XCR1: variants seen among roughly 807,000 people sequenced by gnomAD.
The protein encoded by XCR1 is X-C motif chemokine receptor 1.
For missense variants in XCR1, 356 were observed against 424.2 expected, an observed-to-expected ratio of 0.84 and a Z score of 1.41; for synonymous variants, 187 against 188.5, an observed-to-expected ratio of 0.99 and a Z score of 0.06.
intron 4 of XCR1, among the ~76,000 whole-genome samples, chr3:46,060,018 T>C (rs905922904): frequency 6.6e-6 from 1 of 152,234 alleles, no homozygotes; most frequent in African/African-American, 2.4e-5. Context: ...ATACATCTTA[T>C]GTTAGATGAT....
chr3:46,068,124 G>T (rs1384401989), intron 3 of XCR1, among the ~76,000 whole-genome samples: 1 of 152,210 alleles, frequency 6.6e-6, no homozygotes, highest in Non-Finnish European at 1.5e-5. Context: ...CTGTTAGGAA[G>T]GTAGTTCTAG....
At chr3:46,055,453 C>T (rs938015648) in intron 4 of XCR1, among the ~76,000 whole-genome samples, 3 of 152,264 alleles carry the variant, frequency 2.0e-5, no homozygotes, top group Non-Finnish European at 4.4e-5. Context: ...AATGAAAATA[C>T]AGTTTCTTCA....
chr3:46,044,074 C>G (rs1456792126), intron 5 of XCR1, among the ~76,000 whole-genome samples: 3 of 152,144 alleles, frequency 2.0e-5, no homozygotes, highest in African/African-American at 2.4e-5. Flanking sequence ...CAGCTCACTG[C>G]AAACTCCACC....
At chr3:46,038,479 C>T (rs1302436694) in intron 5 of XCR1, among the ~76,000 whole-genome samples, 3 of 152,058 alleles carry the variant, frequency 2.0e-5, no homozygotes, top group Admixed American at 6.6e-5. Context: ...CTCTATAAAA[C>T]TATTGATGTT....
At chr3:46,078,447 G>A (rs992531482) in intron 1 of XCR1, among the ~76,000 whole-genome samples, 2 of 152,140 alleles carry the variant, frequency 1.3e-5, no homozygotes, top group African/African-American at 2.4e-5. Flanking sequence ...GATTTTGCCT[G>A]AGCTATGTTT....
upstream of XCR1, among the ~76,000 whole-genome samples, chr3:46,085,831 C>G (rs1698465354): frequency 6.6e-6 from 1 of 152,152 alleles, no homozygotes; most frequent in Non-Finnish European, 1.5e-5. Context: ...CATCTGGGAG[C>G]TTGTTAGAAA....
chr3:46,073,952 G>A (rs1698208328), intron 3 of XCR1, among the ~76,000 whole-genome samples: 3 of 137,938 alleles, frequency 2.2e-5, no homozygotes, highest in African/African-American at 8.6e-5. Context: ...TGAAGAAAAG[G>A]GAACTCTTAT....
chr3:46,059,387 G>A (rs897336581), intron 4 of XCR1, among the ~76,000 whole-genome samples: 1 of 152,196 alleles, frequency 6.6e-6, no homozygotes, highest in Non-Finnish European at 1.5e-5. Context: ...CCAGTAGGCA[G>A]AACTTGGAGC....
chr3:46,041,012 G>A (rs1273376122), intron 5 of XCR1, among the ~76,000 whole-genome samples: 1 of 151,936 alleles, frequency 6.6e-6, no homozygotes, highest in Non-Finnish European at 1.5e-5. Context: ...TTGTTTTTCA[G>A]AGTCTGCAGA....
In XCR1 at chr3:46,023,515, A is replaced by G. The variant is rs1708212529; in HGVS notation, c.-31-1537T>C. 3.2e-6 allele frequency: 5 copies of G among 1,569,206 alleles called. No individual in the cohort carries two copies. In the East Asian group the frequency reaches 1.1e-4, roughly 35 times the overall value. ...GAAACAGCTCCTCCTCATCCAAGAG[A>G]GATGGAAAAGGGCCCAGCGTGAGGA... On this transcript the variant is annotated intron_variant, in intron 1 of 1. Coordinates refer to ENST00000309285, the MANE Select transcript of XCR1 (RefSeq NM_001024644.2).
exon 2 of XCR1, among the ~76,000 whole-genome samples, chr3:46,076,912 A>G (rs956389621): frequency 6.6e-6 from 1 of 152,086 alleles, no homozygotes; most frequent in African/African-American, 2.4e-5. Flanking sequence ...GGTAAAGCTG[A>G]CCCCTGTGTG....
chr3:46,026,573 T>C (rs1708291417), intron 1 of XCR1, among the ~76,000 whole-genome samples: 1 of 151,754 alleles, frequency 6.6e-6, no homozygotes, highest in Non-Finnish European at 1.5e-5. Flanking sequence ...CCAGATCCAT[T>C]TTTCTTCTTC....
upstream of XCR1, among the ~76,000 whole-genome samples, chr3:46,031,519 G>C (rs1011900933): frequency 6.6e-6 from 1 of 152,212 alleles, no homozygotes; most frequent in South Asian, 2.1e-4. Flanking sequence ...GAGGAGGGGG[G>C]CGCTGAGGGC....
intron 1 of XCR1, among the ~76,000 whole-genome samples, chr3:46,080,170 A>G (rs1198889625): frequency 2.7e-5 from 4 of 147,814 alleles, no homozygotes; most frequent in African/African-American, 1.0e-4. Flanking sequence ...GGGCAACAGA[A>G]CAAGTCCTTG....
chr3:46,071,470 A>G (rs866357724), intron 3 of XCR1, among the ~76,000 whole-genome samples: 1 of 152,204 alleles, frequency 6.6e-6, no homozygotes, highest in African/African-American at 2.4e-5. Flanking sequence ...CCACAAAGCC[A>G]GTATCACCCT....
chr3:46,079,226 C>T lies in XCR1; in HGVS notation c.-514-2300G>A, dbSNP rs1459622305. The stretch of plus-strand genomic sequence containing the variant: ...ATGTACAACACTTATGAGACATCCT[C>T]TTGTAAATATCTAGGAAAACGGACC... On this transcript the variant is annotated intron_variant, in intron 1 of 5. Transcript: ENST00000683768. Among the ~76,000 whole-genome samples the T allele has an allele frequency of 5.3e-5, 8 of 152,270 alleles. No homozygotes were observed. The South Asian group carries it at 1.5e-3, about 28-fold the overall frequency.
chr3:46,027,189 C>G (rs58035200), intron 1 of XCR1, among the ~76,000 whole-genome samples: 15 of 152,182 alleles, frequency 9.9e-5, no homozygotes, highest in African/African-American at 3.4e-4. Flanking sequence ...GCTGGAATTA[C>G]AGGCATGAGC....
At position 46,020,726 on chromosome 3, in the gene XCR1, T is replaced by C; in HGVS notation, c.*220A>G. 1 of 598,374 alleles carries C rather than the reference T, an allele frequency of 1.7e-6. No homozygotes were observed. The highest frequency in any genetic ancestry group is 2.9e-6 in the Non-Finnish European group (1 of 347,002). 37.1% of individuals were successfully genotyped at this position (598,374 alleles called of 1,614,324 possible). On this transcript the variant is annotated 3_prime_UTR_variant, in exon 2 of 2. Transcript: ENST00000309285. The stretch of plus-strand genomic sequence containing the variant: ...ACTCAGAGTTCAAGAAATGTTTTTT[T>C]GGATGGCAGTATAAAATTCCCAGGT...
rs548005174 is a variant in XCR1 at position 46,051,361 on chromosome 3, T to G, written c.-32+2559A>C. ...GACATAAGGCTGAAAAGTACATGACTGTCCATCCAGACCAAGACAAGGTAA... is the reference window on the plus strand; with the variant it reads ...GACATAAGGCTGAAAAGTACATGACGGTCCATCCAGACCAAGACAAGGTAA... On this transcript the variant is annotated intron_variant, in intron 5 of 5. Transcript: ENST00000683768. Among the ~76,000 whole-genome samples the G allele has an allele frequency of 2.2e-4, 34 of 152,356 alleles. No homozygotes were observed. The South Asian group carries it at 2.7e-3, about 12-fold the overall frequency.
Sources: gnomAD v4.1 joint callset for allele counts (sites outside exome capture counted in the v4.1 genomes callset) on GRCh38, gnomAD v4.1.1 for gene constraint, MANE v1.5 for transcripts, NCBI Gene and HGNC (gene_info 2026-07-23, HGNC 2026-07-21) for gene names.